Variants in KCNT2 observed in about 807,000 individuals in gnomAD.
KCNT2 encodes the protein potassium sodium-activated channel subfamily T member 2, also known as potassium channel subfamily T member 2.
In KCNT2, 67 loss-of-function variants were observed where a neutral mutation model predicts 153.8. The observed-to-expected ratio is 0.44, with a 90% CI of 0.36 to 0.53. The LOEUF (loss-of-function observed/expected upper bound fraction) is 0.53. Among genes scored for constraint, KCNT2 ranks in the 20% least tolerant of loss-of-function variants. KCNT2 has a pLI of 0.00. For synonymous variants in KCNT2, 500 were observed against 458.8 expected (o/e 1.09, Z -1.15); for missense variants, 975 against 1,354.8 (o/e 0.72, Z 4.40).
intron 1 of KCNT2, among the ~76,000 whole-genome samples, chr1:196,578,336 A>G (rs1306846400): frequency 6.6e-6 from 1 of 152,168 alleles, no homozygotes; most frequent in Non-Finnish European, 1.5e-5. Context: ...ACCTGGAAAG[A>G]CAAGTCACTC....
At chr1:196,517,024 T>A (rs369341666) in intron 1 of KCNT2, among the ~76,000 whole-genome samples, 1 of 152,150 alleles carries the variant, frequency 6.6e-6, no homozygotes, top group Non-Finnish European at 1.5e-5. Context: ...CTACAACTCC[T>A]GGGAGAGAGC....
intron 12 of KCNT2, among the ~76,000 whole-genome samples, chr1:196,413,442 A>G (rs1342464663): frequency 1.3e-5 from 2 of 151,714 alleles, no homozygotes; most frequent in African/African-American, 4.8e-5. Context: ...TTGAAGAAAA[A>G]TGAGCTAAAA....
At chr1:196,574,333 T>C (rs922170347) in intron 1 of KCNT2, among the ~76,000 whole-genome samples, 8 of 151,740 alleles carry the variant, frequency 5.3e-5, no homozygotes, top group African/African-American at 1.9e-4. Flanking sequence ...ACTAATCATT[T>C]TCAGATACAC....
chr1:196,567,104 T>C (rs1558086563), intron 1 of KCNT2, among the ~76,000 whole-genome samples: 1 of 152,166 alleles, frequency 6.6e-6, no homozygotes, highest in Non-Finnish European at 1.5e-5. Context: ...TTGATGCATA[T>C]TAATTACAAA....
At chr1:196,288,511 T>C (rs1188684953) in intron 22 of KCNT2, among the ~76,000 whole-genome samples, 1 of 151,926 alleles carries the variant, frequency 6.6e-6, no homozygotes, top group East Asian at 1.9e-4. Context: ...ATGTGGAAAA[T>C]GGCTTGTGAA....
intron 8 of KCNT2, among the ~76,000 whole-genome samples, chr1:196,452,268 C>T (rs73067680): frequency 0.067 from 10,117 of 152,030 alleles, 1,133 homozygotes; most frequent in African/African-American, 0.23. Context: ...TATAAGCTGC[C>T]TTTGAATGAA....
chr1:196,423,038 T>A lies in KCNT2; in HGVS notation c.1185+12A>T. The A allele has an allele frequency of 6.5e-7, 1 of 1,533,952 alleles. No homozygotes were observed. Among genetic ancestry groups the A allele is most frequent in the Non-Finnish European group, 8.8e-7 (1 of 1,133,778 alleles). On this transcript the variant is annotated intron_variant, in intron 12 of 27. Coordinates refer to ENST00000294725, the MANE Select transcript of KCNT2 (RefSeq NM_198503.5). The stretch of plus-strand genomic sequence containing the variant: ...AAAGCACAACTTACTAAAAAAGATT[T>A]TAGAAACTTACAGATGATGTCCTAT...
chr1:196,567,037 A>C (rs1277342806), intron 1 of KCNT2, among the ~76,000 whole-genome samples: 2 of 152,166 alleles, frequency 1.3e-5, no homozygotes, highest in Non-Finnish European at 2.9e-5. Context: ...AAATGCAAGA[A>C]TCATATGACA....
rs1394833746 is a variant in KCNT2 at position 196,390,919 on chromosome 1, ATATGT to A, written c.1294+7639_1294+7643del. ...TTTTTTTTTTTTTTTAAAAAAAAAC[ATATGT>A]TAGGAGACTCTTTTCAAACCAAAAC... On this transcript the variant is annotated intron_variant, in intron 13 of 27. Transcript: ENST00000294725. 4.4e-5 allele frequency among the ~76,000 whole-genome samples: 6 copies of A among 137,274 alleles called. No individual in the cohort carries two copies. In the East Asian group the frequency reaches 1.3e-3, roughly 30 times the overall value. 90.1% of individuals were successfully genotyped at this position (137,274 alleles called of 152,430 possible).
chr1:196,244,492 C>A (rs1296104039), intron 26 of KCNT2, among the ~76,000 whole-genome samples: 1 of 152,046 alleles, frequency 6.6e-6, no homozygotes, highest in Non-Finnish European at 1.5e-5. Flanking sequence ...GAGTTTCCTG[C>A]CTGGCAACAT....
rs770784210 is a variant in KCNT2 at position 196,331,160 on chromosome 1, T to A, written c.2099A>T (p.Asp700Val). The A allele has an allele frequency of 6.4e-7, 1 of 1,564,790 alleles. No homozygotes were observed. Among genetic ancestry groups the A allele is most frequent in the East Asian group, 2.2e-5 (1 of 44,490 alleles). ...AAAGCATCAACAAGTACTTACCTTGTCTAATCTTAAGCAGCAAAATGGTAC... is the reference window on the plus strand; with the variant it reads ...AAAGCATCAACAAGTACTTACCTTGACTAATCTTAAGCAGCAAAATGGTAC... Reference protein sequence around the residue: ...EKVPFCCLRLDKSCQHNYYED... With the variant: ...EKVPFCCLRLVKSCQHNYYED... The change falls in exon 18 of 28, where the codon GAC becomes GTC. Residue 700 changes from aspartate (D) to valine (V), a missense_variant. By Grantham distance (152) the Asp-to-Val change is radical (BLOSUM62 -3). Around this residue, in one of 6 missense-constraint regions of KCNT2, gnomAD observed 325 missense variants for 388.1 expected, o/e 0.84. Transcript: ENST00000294725.
At chr1:196,472,812 A>C (rs1572570811) in intron 5 of KCNT2, among the ~76,000 whole-genome samples, 1 of 152,008 alleles carries the variant, frequency 6.6e-6, no homozygotes, top group Non-Finnish European at 1.5e-5. Flanking sequence ...ATTTCAGCTC[A>C]TTTCTCACTT....
chr1:196,562,106 G>A (rs1017611129), intron 1 of KCNT2, among the ~76,000 whole-genome samples: 4 of 152,016 alleles, frequency 2.6e-5, no homozygotes, highest in Non-Finnish European at 4.4e-5. Context: ...CCTGGATCAG[G>A]GAAAAGACCT....
intron 1 of KCNT2, among the ~76,000 whole-genome samples, chr1:196,511,376 C>A (rs1572687843): frequency 1.3e-5 from 2 of 152,244 alleles, no homozygotes; most frequent in South Asian, 4.1e-4. Context: ...CCACAGAAAT[C>A]TGCCACAAAA....
intron 20 of KCNT2, 75 bp from the exon 21 acceptor site, chr1:196,316,101 C>T: frequency 1.4e-6 from 2 of 1,379,640 alleles, no homozygotes; most frequent in South Asian, 1.3e-5. Context: ...AAGTCTAGCA[C>T]TATCCCCTGT....
At chr1:196,255,838 T>C (rs545102985) in intron 26 of KCNT2, among the ~76,000 whole-genome samples, 2 of 151,808 alleles carry the variant, frequency 1.3e-5, no homozygotes, top group South Asian at 2.1e-4. Context: ...ATATCTCAGA[T>C]AATAAATGCA....
intron 1 of KCNT2, among the ~76,000 whole-genome samples, chr1:196,605,853 TA>T (rs1458921738): frequency 6.6e-6 from 1 of 152,192 alleles, no homozygotes; most frequent in Admixed American, 6.5e-5. Flanking sequence ...AATGAGCACC[TA>T]AACTATGCTA....
chr1:196,461,122 T>C (rs1380007741), intron 8 of KCNT2, among the ~76,000 whole-genome samples: 1 of 151,768 alleles, frequency 6.6e-6, no homozygotes, highest in Non-Finnish European at 1.5e-5. Context: ...CTACAGTACT[T>C]ATCTTCTCAC....
At chr1:196,259,371 A>T (rs1656802881) in intron 25 of KCNT2, among the ~76,000 whole-genome samples, 2 of 152,106 alleles carry the variant, frequency 1.3e-5, no homozygotes. Flanking sequence ...TGCTTTTCAT[A>T]CTAGGAAGTC....
Sources: allele counts gnomAD v4.1 joint callset (sites outside exome capture counted in the v4.1 genomes callset), GRCh38; gene constraint gnomAD v4.1.1; regional missense constraint gnomAD v4.1.1; transcripts MANE v1.5; gene names NCBI Gene and HGNC (gene_info 2026-07-23, HGNC 2026-07-21).